Variants in SLC45A4 observed in about 807,000 individuals in gnomAD.
SLC45A4 encodes solute carrier family 45 member 4, also known as polyamine-transporter SLC45A4.
In SLC45A4, 32 loss-of-function variants were observed where a neutral mutation model predicts 63.7. The ratio of observed to expected loss-of-function variants is 0.50; its 90% CI spans 0.38 to 0.67. The LOEUF (loss-of-function observed/expected upper bound fraction) is 0.67, where lower values mean the gene tolerates loss of function less well. SLC45A4 is among the 30% of genes least tolerant of loss of function. The pLI is 0.00. For synonymous variants in SLC45A4, 535 were observed against 510.0 expected, an observed-to-expected ratio of 1.05 and a Z score of -0.66; for missense variants, 1,027 against 1,157.7, an observed-to-expected ratio of 0.89 and a Z score of 1.64.
chr8:141,217,976 A>C (rs1178365481), intron 5 of SLC45A4, 35 bp downstream of exon 5: 1 of 1,525,986 alleles, frequency 6.6e-7, no homozygotes, highest in South Asian at 1.2e-5. Flanking sequence ...AGGTGGGCAG[A>C]GAGAGCGGCC....
chr8:141,212,605 C>A, intron 7 of SLC45A4, 49 bp from the exon 8 acceptor site: 1 of 1,534,246 alleles, frequency 6.5e-7, no homozygotes, highest in Non-Finnish European at 8.8e-7. Context: ...AAGGTGGCTG[C>A]TACCCGTGCT....
intron 5 of SLC45A4, 39 bp downstream of exon 5, chr8:141,217,972 G>A (rs774034033): frequency 6.5e-7 from 1 of 1,529,744 alleles, no homozygotes. Context: ...CCGCAGGTGG[G>A]CAGAGAGAGC....
At chr8:141,214,742 A>G (rs984374179) in intron 7 of SLC45A4, among the ~76,000 whole-genome samples, 3 of 152,220 alleles carry the variant, frequency 2.0e-5, no homozygotes, top group African/African-American at 4.8e-5. Flanking sequence ...AGACTAGCGG[A>G]AGAGAAGAGA....
At chr8:141,288,821 C>T (rs1000038814) in intron 1 of SLC45A4, among the ~76,000 whole-genome samples, 11 of 152,234 alleles carry the variant, frequency 7.2e-5, no homozygotes, top group African/African-American at 2.4e-4. Context: ...GACAGGAAGA[C>T]GAGGGCAAGG....
chr8:141,251,616 G>A (rs556849584), intron 2 of SLC45A4, among the ~76,000 whole-genome samples: 44 of 152,000 alleles, frequency 2.9e-4, no homozygotes, highest in African/African-American at 9.9e-4. Flanking sequence ...CCGAGCCCCC[G>A]ACCCTCCAGA....
intron 2 of SLC45A4, among the ~76,000 whole-genome samples, chr8:141,252,906 T>TCCG: frequency 6.6e-6 from 1 of 151,842 alleles, no homozygotes; most frequent in East Asian, 1.9e-4. Context: ...TCTGTGAATT[T>TCCG]TCGTGTTTTC....
At chr8:141,253,388 CT>C in intron 2 of SLC45A4, 1 of 208,718 alleles carries the variant, frequency 4.8e-6, no homozygotes, top group Non-Finnish European at 9.8e-6. Context: ...AATTTCCATG[CT>C]TTTGGAAATG....
intron 1 of SLC45A4, among the ~76,000 whole-genome samples, chr8:141,289,053 A>G (rs1830256421): frequency 6.6e-6 from 1 of 152,174 alleles, no homozygotes; most frequent in Non-Finnish European, 1.5e-5. Context: ...GTGGTCCCAG[A>G]GGAATAAGCA....
intron 1 of SLC45A4, among the ~76,000 whole-genome samples, chr8:141,305,081 G>A (rs982135240): frequency 6.6e-6 from 1 of 152,126 alleles, no homozygotes; most frequent in African/African-American, 2.4e-5. Context: ...GAGGTCTCCC[G>A]GTCCTCTGAA....
chr8:141,212,508 A>C lies in SLC45A4; in HGVS notation c.1990T>G (p.Cys664Gly). Residue 664 changes from cysteine to glycine, a missense_variant, in exon 8 of 9, where the codon TGT (cysteine) becomes GGT (glycine). Cys to Gly is a radical substitution (Grantham distance 159). Transcript: ENST00000517878. ...TACACTTGGCAGGACAGGATGGCAC[A>C]ATCTATGCCAAACCCTCGCTTGGAG... The part of the protein sequence containing the change: ...GNSKRGFGID[C>G]AILSCQVYIS... 6.2e-7 allele frequency: 1 copy of C among 1,613,318 alleles called. No individual in the cohort carries two copies. The highest frequency in any genetic ancestry group is 1.1e-5 in the South Asian group (1 of 91,070).
At chr8:141,250,905 C>A (rs1828435001) in intron 2 of SLC45A4, among the ~76,000 whole-genome samples, 1 of 152,156 alleles carries the variant, frequency 6.6e-6, no homozygotes, top group Non-Finnish European at 1.5e-5. Context: ...ATGAAACGTG[C>A]ATAGAAATTG....
intron 1 of SLC45A4, among the ~76,000 whole-genome samples, chr8:141,255,665 G>GA (rs1828739849): frequency 6.6e-6 from 1 of 152,180 alleles, no homozygotes; most frequent in Admixed American, 6.5e-5. Context: ...GCAGTAAGCT[G>GA]AGATCGCACC....
intron 2 of SLC45A4, among the ~76,000 whole-genome samples, chr8:141,240,137 G>A (rs562962554): frequency 6.6e-6 from 1 of 152,178 alleles, no homozygotes; most frequent in Non-Finnish European, 1.5e-5. Context: ...TAGTCATTAC[G>A]CCCAGCCTCC....
chr8:141,228,214 C>T lies in SLC45A4; in HGVS notation c.242-6449G>A, dbSNP rs778160096. On this transcript the variant is annotated intron_variant, in intron 2 of 8. Transcript: ENST00000517878. ...ACTCCATTGATTTGACCTCAGTGGA[C>T]TCACAAGGGTCTTTGGACGGGACAG... 5.0e-6 allele frequency: 8 copies of T among 1,614,158 alleles called. No homozygotes were observed. The East Asian group carries it at 1.8e-4, about 36-fold the overall frequency.
chr8:141,215,688 G>A lies in SLC45A4; in HGVS notation c.1941+71C>T. The A allele has an allele frequency of 2.0e-6, 3 of 1,476,990 alleles. No homozygotes were observed. Among genetic ancestry groups the A allele is most frequent in the Non-Finnish European group, 2.8e-6 (3 of 1,069,024 alleles). 91.5% of individuals were successfully genotyped at this position (1,476,990 alleles called of 1,614,324 possible). On this transcript the variant is annotated intron_variant, in intron 7 of 8. Transcript: ENST00000517878. This position sits in a 1 kb window ranked among gnomAD's most constrained non-coding sequence, Gnocchi z 4.3. ...TGAACGTCCCCCCGGGGAAGCACAG[G>A]GCTCTGCTCTGTATGGAGGGAAGGC...
At chr8:141,230,474 A>T (rs774838278) in intron 2 of SLC45A4, 9 of 197,940 alleles carry the variant, frequency 4.5e-5, no homozygotes, top group Non-Finnish European at 9.5e-5. Context: ...TGTGCCGGAG[A>T]GGGGTCCTGA....
intron 1 of SLC45A4, among the ~76,000 whole-genome samples, chr8:141,297,319 C>A (rs544461022): frequency 6.6e-6 from 1 of 152,036 alleles, no homozygotes. Flanking sequence ...TGGATGCTGG[C>A]GGGGGAGGTA....
At chr8:141,296,762 C>T (rs926464634) in intron 1 of SLC45A4, among the ~76,000 whole-genome samples, 12 of 139,086 alleles carry the variant, frequency 8.6e-5, no homozygotes, top group African/African-American at 3.0e-4. Context: ...CTTGTACCCA[C>T]GAGGCAGAGG....
At chr8:141,284,142 G>A (rs554727929) in intron 1 of SLC45A4, among the ~76,000 whole-genome samples, 9 of 152,276 alleles carry the variant, frequency 5.9e-5, no homozygotes, top group Non-Finnish European at 1.2e-4. Flanking sequence ...CAAACCACCC[G>A]CACCTAGATC....
Sources: allele counts gnomAD v4.1 joint callset (sites outside exome capture counted in the v4.1 genomes callset), GRCh38; gene constraint gnomAD v4.1.1; non-coding constraint Gnocchi (gnomAD v3.1); transcripts MANE v1.5; gene names NCBI Gene and HGNC (gene_info 2026-07-23, HGNC 2026-07-21).